COL6A3: variants seen among roughly 807,000 people sequenced by gnomAD.
COL6A3 encodes the protein collagen type VI alpha 3 chain, also known as collagen alpha-3(VI) chain.
A neutral mutation model predicts 274.1 loss-of-function variants in COL6A3; 137 were observed. That is an observed-to-expected ratio of 0.50 (90% CI 0.44 to 0.58). COL6A3 has a LOEUF of 0.58. Among genes scored for constraint, COL6A3 ranks in the 20% least tolerant of loss-of-function variants. The probability of loss-of-function intolerance (pLI) is 0.00; values close to 1 mark genes in which losing one functional copy is unlikely to be tolerated. For missense variants in COL6A3, 3,950 were observed against 4,124.9 expected (o/e 0.96, Z 1.16); for synonymous variants, 1,650 against 1,650.6 (o/e 1.00, Z 0.01).
At chr2:237,393,837 A>C (rs998569218) in intron 3 of COL6A3, among the ~76,000 whole-genome samples, 1 of 152,230 alleles carries the variant, frequency 6.6e-6, no homozygotes, top group Non-Finnish European at 1.5e-5. Context: ...AGCTCTGTAC[A>C]TGCAACTGCA....
At chr2:237,384,423 C>G (rs980663428) in intron 4 of COL6A3, among the ~76,000 whole-genome samples, 2 of 152,116 alleles carry the variant, frequency 1.3e-5, no homozygotes, top group Non-Finnish European at 2.9e-5. Context: ...CCTCCTCCCA[C>G]GCCTCTCTCT....
chr2:237,366,575 T>C, intron 11 of COL6A3, 112 bp downstream of exon 11: 2 of 1,532,990 alleles, frequency 1.3e-6, no homozygotes, highest in Non-Finnish European at 1.8e-6. Context: ...AGTAAATGTA[T>C]GAAGCAACCA....
At chr2:237,348,171 G>A (rs1017756952) in intron 30 of COL6A3, among the ~76,000 whole-genome samples, 178 bp downstream of exon 30, 9 of 152,190 alleles carry the variant, frequency 5.9e-5, no homozygotes, top group Non-Finnish European at 1.3e-4. Context: ...TACGTATTAT[G>A]ACCTCCACTT....
intron 3 of COL6A3, 53 bp from the exon 4 acceptor site, chr2:237,388,237 A>G (rs1025934170): frequency 6.2e-7 from 1 of 1,610,450 alleles, no homozygotes; most frequent in Non-Finnish European, 8.5e-7. Context: ...AAGTGACCAC[A>G]TGCATTATTC....
intron 3 of COL6A3, among the ~76,000 whole-genome samples, chr2:237,392,300 T>G (rs889371241): frequency 6.6e-6 from 1 of 152,220 alleles, no homozygotes; most frequent in African/African-American, 2.4e-5. Flanking sequence ...TTGGGTCATC[T>G]CTCTTCAGCT....
Position 237,390,894 on chromosome 2 carries a change from A to G in COL6A3, c.710-2710T>C, listed in dbSNP as rs143147155. ...AATAAAGGTTTTATATCTCAGGTAT[A>G]TTCATTTTTTTAAAGAATGACAGAG... is the stretch of plus-strand genomic sequence containing the variant. On this transcript the variant is annotated intron_variant, in intron 3 of 43. Transcript: ENST00000295550. 4.4e-3 allele frequency among the ~76,000 whole-genome samples: 663 copies of G among 152,352 alleles called. 6 individuals carry two copies. The highest frequency in any genetic ancestry group is 0.015 in the African/African-American group (637 of 41,588).
chr2:237,360,282 G>A (rs1367736285), intron 16 of COL6A3, 123 bp from the exon 17 acceptor site: 11 of 989,786 alleles, frequency 1.1e-5, no homozygotes, highest in Non-Finnish European at 1.7e-5. Context: ...TTCACCATGG[G>A]GAACGCCGAT....
intron 42 of COL6A3, chr2:237,327,908 G>T (rs1700034924): frequency 1.3e-5 from 2 of 151,996 alleles, no homozygotes; most frequent in Admixed American, 6.6e-5. Context: ...AACTTAACCT[G>T]GACTTTTCCC....
chr2:237,364,253 G>A lies in COL6A3; in HGVS notation c.5917+97C>T, dbSNP rs902804060. On this transcript the variant is annotated intron_variant, in intron 13 of 43. Transcript: ENST00000295550. This position sits in a 1 kb window ranked among gnomAD's most constrained non-coding sequence, Gnocchi z 4.6. ...TCTCCCAAGACAACGCTGCTCCCTT[G>A]GGGCGCTGCATTAGCAGAGAGGTTT... The A allele has an allele frequency of 2.1e-6, 2 of 948,506 alleles. No individual in the cohort carries two copies. Among genetic ancestry groups the A allele is most frequent in the Non-Finnish European group, 3.4e-6 (2 of 586,248 alleles). The allele number at this position is 948,506 out of a possible 1,614,324, so 58.8% of individuals were successfully genotyped here. A position where few individuals can be genotyped will look rare whatever the true frequency, so the allele number is the denominator to read the frequency against.
chr2:237,386,599 G>A (rs1233534981), intron 4 of COL6A3: 1 of 152,124 alleles, frequency 6.6e-6, no homozygotes, highest in Non-Finnish European at 1.5e-5. Context: ...AATTTTCATT[G>A]AGCCCATACT....
intron 27 of COL6A3, among the ~76,000 whole-genome samples, chr2:237,350,794 G>T (rs2077190105): frequency 6.6e-6 from 1 of 152,198 alleles, no homozygotes; most frequent in African/African-American, 2.4e-5. Flanking sequence ...ACCAAGCACT[G>T]CCCGGCTGCT....
At chr2:237,363,433 A>C in intron 13 of COL6A3, 35 bp from the exon 14 acceptor site, 1 of 1,613,660 alleles carries the variant, frequency 6.2e-7, no homozygotes, top group Non-Finnish European at 8.5e-7. Context: ...CAGCTCACCT[A>C]GGCATGTGGA....
In COL6A3 at chr2:237,332,090, TATATATATATATATATA is replaced by T. The variant is rs1321621684; in HGVS notation, c.9328+1343_9328+1359del. Among the ~76,000 whole-genome samples the T allele has an allele frequency of 7.5e-4, 25 of 33,322 alleles. 3 individuals are homozygous for T. The highest frequency in any genetic ancestry group is 3.0e-3 in the African/African-American group (16 of 5,320). The allele number at this position is 33,322 out of a possible 152,430, so 21.9% of individuals were successfully genotyped here. A position where few individuals can be genotyped will look rare whatever the true frequency, so the allele number is the denominator to read the frequency against. On this transcript the variant is annotated intron_variant, in intron 42 of 43. Transcript: ENST00000295550. ...CTCTACATATATATATATATATATA[TATATATATATATATATA>T]TATATATATATGAAAAGAAAAACAA... is the stretch of plus-strand genomic sequence containing the variant.
rs572835186 is a variant in COL6A3 at position 237,403,836 on chromosome 2, C to G, written c.-30-6989G>C. Among the ~76,000 whole-genome samples the G allele has an allele frequency of 3.3e-4, 50 of 152,012 alleles. 1 individual carries two copies. Among genetic ancestry groups the G allele is most frequent in the South Asian group, 1.7e-3 (8 of 4,802 alleles). On this transcript the variant is annotated intron_variant, in intron 1 of 43. Coordinates refer to ENST00000295550, the MANE Select transcript of COL6A3 (RefSeq NM_004369.4). ...GACCCTACCCCCACCGTGCCACAGC[C>G]CCAACTTTGCCCCTTCACTCTCTAG...
chr2:237,347,680 TC>T, intron 31 of COL6A3, 126 bp downstream of exon 31: 1 of 988,060 alleles, frequency 1.0e-6, no homozygotes, highest in South Asian at 1.4e-5. Flanking sequence ...AGGATTCCCT[TC>T]CTTCCACCCT....
At position 237,361,243 on chromosome 2, in the gene COL6A3, T is replaced by C. The variant is rs997961290; in HGVS notation, c.6157-69A>G. Reference sequence around the variant, plus strand: ...CTTTGCTCTACAGTAAGAATCCCTGTGGTCCCCCTTCATTTGGCAGAGCAG... The same window carrying C: ...CTTTGCTCTACAGTAAGAATCCCTGCGGTCCCCCTTCATTTGGCAGAGCAG... On this transcript the variant is annotated intron_variant, in intron 15 of 43. Coordinates refer to ENST00000295550, the MANE Select transcript of COL6A3 (RefSeq NM_004369.4). This position sits in a 1 kb window ranked among gnomAD's most constrained non-coding sequence, Gnocchi z 5.1. 66 of 1,425,348 alleles carry C rather than the reference T, an allele frequency of 4.6e-5. No individual in the cohort carries two copies. In the South Asian group the frequency reaches 6.8e-4, roughly 15 times the overall value. 88.3% of individuals were successfully genotyped at this position (1,425,348 alleles called of 1,614,324 possible). A position where few individuals can be genotyped will look rare whatever the true frequency, so the allele number is the denominator to read the frequency against.
intron 13 of COL6A3, among the ~76,000 whole-genome samples, chr2:237,363,895 G>T (rs1559232083): frequency 6.6e-6 from 1 of 152,140 alleles, no homozygotes; most frequent in East Asian, 1.9e-4. Context: ...CTGATAATAG[G>T]CATGGCTGTC....
chr2:237,346,647 A>T, intron 31 of COL6A3, 82 bp from the exon 32 acceptor site: 1 of 1,284,386 alleles, frequency 7.8e-7, no homozygotes, highest in Non-Finnish European at 1.1e-6. Flanking sequence ...GGTACGGTAA[A>T]AGTGATCTAA....
intron 11 of COL6A3, among the ~76,000 whole-genome samples, chr2:237,366,437 A>G (rs2077552468): frequency 6.6e-6 from 1 of 152,182 alleles, no homozygotes; most frequent in Admixed American, 6.5e-5. Context: ...GAATTGTTTG[A>G]GGGATTAAGG....
Sources: allele counts gnomAD v4.1 joint callset (sites outside exome capture counted in the v4.1 genomes callset), GRCh38; gene constraint gnomAD v4.1.1; non-coding constraint Gnocchi (gnomAD v3.1); transcripts MANE v1.5; gene names NCBI Gene and HGNC (gene_info 2026-07-23, HGNC 2026-07-21).